COL25A1: variants seen among roughly 807,000 people sequenced by gnomAD.
COL25A1 encodes the protein collagen type XXV alpha 1 chain.
A neutral mutation model predicts 128.4 loss-of-function variants in COL25A1; 103 were observed. That is an observed-to-expected ratio of 0.80 (90% confidence interval 0.68 to 0.94). The LOEUF (loss-of-function observed/expected upper bound fraction) is 0.94. Ranked by LOEUF, COL25A1 falls within the 40% of genes least tolerant of loss-of-function variation. The pLI is 0.00. For synonymous variants in COL25A1, 279 were observed against 277.2 expected (o/e 1.01, Z -0.06); for missense variants, 745 against 840.0 (o/e 0.89, Z 1.40).
At position 109,302,332 on chromosome 4, in the gene COL25A1, C is replaced by T. The variant is rs572524245; in HGVS notation, c.-220G>A. 1 of 337,684 alleles carries T rather than the reference C, an allele frequency of 3.0e-6. No homozygotes were observed. The highest frequency in any genetic ancestry group is 5.4e-6 in the Non-Finnish European group (1 of 186,270). 20.9% of individuals were successfully genotyped at this position (337,684 alleles called of 1,614,324 possible). Reference sequence around the variant, plus strand: ...ACAGCTCTTCCGACTCCCAGAGGACCGACACCTCTTTCGAGGGCCCCAACA... The same window carrying T: ...ACAGCTCTTCCGACTCCCAGAGGACTGACACCTCTTTCGAGGGCCCCAACA... On this transcript the variant is annotated 5_prime_UTR_variant, in exon 1 of 38. Transcript: ENST00000399132.
chr4:108,856,244 CAG>C (rs570177815), intron 24 of COL25A1, among the ~76,000 whole-genome samples: 112 of 152,202 alleles, frequency 7.4e-4, no homozygotes, highest in Non-Finnish European at 1.5e-3. Flanking sequence ...AGTTAGGAAA[CAG>C]AGGTTTTACT....
chr4:108,986,703 C>G (rs990174187), intron 6 of COL25A1, among the ~76,000 whole-genome samples: 3 of 152,106 alleles, frequency 2.0e-5, no homozygotes, highest in Non-Finnish European at 4.4e-5. Flanking sequence ...GGCTTTGGGT[C>G]TTGGTTCTAA....
At position 108,845,262 on chromosome 4, in the gene COL25A1, C is replaced by T; in HGVS notation, c.1516-11G>A. The T allele has an allele frequency of 1.2e-6, 2 of 1,610,740 alleles. No homozygotes were observed. Among genetic ancestry groups the T allele is most frequent in the Non-Finnish European group, 1.7e-6 (2 of 1,176,882 alleles). On this transcript the variant is annotated splice_polypyrimidine_tract_variant and intron_variant, in intron 28 of 37. Transcript: ENST00000399132. The stretch of plus-strand genomic sequence containing the variant: ...CATTCCATTGGCTCCCTATAAATAA[C>T]CATTAAGCAGAGTTAAGCAGGTAAA...
chr4:108,985,067 T>C (rs909947247), intron 6 of COL25A1, among the ~76,000 whole-genome samples: 1 of 152,224 alleles, frequency 6.6e-6, no homozygotes, highest in Non-Finnish European at 1.5e-5. Context: ...AGGGCTTGTC[T>C]ACCATTCTCC....
At position 108,869,007 on chromosome 4, in the gene COL25A1, A is replaced by G. The variant is rs1738349432; in HGVS notation, c.1083+81T>C. 1.3e-5 allele frequency: 11 copies of G among 833,202 alleles called. 1 individual carries two copies. In the South Asian group the frequency reaches 1.6e-4, roughly 12 times the overall value. 51.6% of individuals were successfully genotyped at this position (833,202 alleles called of 1,614,324 possible). On this transcript the variant is annotated intron_variant, in intron 20 of 37. Coordinates refer to ENST00000399132, the MANE Select transcript of COL25A1 (RefSeq NM_198721.4). ...AAAGACAATAAAAGAAAGAGAAAGG[A>G]AAGAAAAGGAAAGGAAAGAAGGAAG...
At chr4:108,886,478 G>A (rs1398344635) in intron 18 of COL25A1, among the ~76,000 whole-genome samples, 2 of 125,388 alleles carry the variant, frequency 1.6e-5, no homozygotes, top group African/African-American at 6.3e-5. Flanking sequence ...GTGTGTGTGT[G>A]TGTGTGTGTG....
At chr4:108,960,495 T>C (rs192426272) in intron 8 of COL25A1, among the ~76,000 whole-genome samples, 5 of 152,210 alleles carry the variant, frequency 3.3e-5, no homozygotes, top group Admixed American at 1.3e-4. Context: ...CAATGCTATG[T>C]TCTCAAAGCA....
At chr4:108,997,756 C>T (rs1037187249) in intron 6 of COL25A1, among the ~76,000 whole-genome samples, 1 of 152,112 alleles carries the variant, frequency 6.6e-6, no homozygotes, top group Non-Finnish European at 1.5e-5. Context: ...TTTAGCAGCA[C>T]CTCAAAAAGC....
intron 3 of COL25A1, among the ~76,000 whole-genome samples, chr4:109,155,627 T>C (rs1289742941): frequency 2.0e-5 from 3 of 152,228 alleles, no homozygotes; most frequent in African/African-American, 7.2e-5. Context: ...TTAGATCATA[T>C]CCTGTCATAG....
chr4:109,159,149 GAAGAT>G (rs1772320012), intron 3 of COL25A1, among the ~76,000 whole-genome samples: 1 of 151,244 alleles, frequency 6.6e-6, no homozygotes, highest in African/African-American at 2.4e-5. Flanking sequence ...AAGTAGAGAA[GAAGAT>G]AAGAAACAGG....
intron 3 of COL25A1, among the ~76,000 whole-genome samples, chr4:109,186,450 T>C (rs1775138735): frequency 6.6e-6 from 1 of 152,248 alleles, no homozygotes; most frequent in Non-Finnish European, 1.5e-5. Context: ...TCTCTAGCTT[T>C]AAAGTTAATT....
intron 27 of COL25A1, among the ~76,000 whole-genome samples, chr4:108,847,109 T>C (rs527620716): frequency 6.6e-6 from 1 of 152,208 alleles, no homozygotes; most frequent in Non-Finnish European, 1.5e-5. Context: ...TTTCACCATG[T>C]TGGCCCGGCT....
intron 13 of COL25A1, among the ~76,000 whole-genome samples, chr4:108,909,838 T>C (rs1743999099): frequency 6.6e-6 from 1 of 152,174 alleles, no homozygotes; most frequent in South Asian, 2.1e-4. Flanking sequence ...TCCTTTCTCT[T>C]CCCATCCTCT....
chr4:109,210,522 A>G (rs988392859), intron 3 of COL25A1, among the ~76,000 whole-genome samples: 1 of 152,172 alleles, frequency 6.6e-6, no homozygotes, highest in African/African-American at 2.4e-5. Context: ...CAACAGACAA[A>G]ATTGCAATGT....
chr4:108,953,249 T>C (rs1381368498), intron 8 of COL25A1, among the ~76,000 whole-genome samples: 1 of 152,214 alleles, frequency 6.6e-6, no homozygotes, highest in African/African-American at 2.4e-5. Flanking sequence ...GGTACTCTTA[T>C]AGGTACCTTT....
chr4:109,189,873 G>C (rs1303192083), intron 3 of COL25A1, among the ~76,000 whole-genome samples: 1 of 151,982 alleles, frequency 6.6e-6, no homozygotes, highest in East Asian at 1.9e-4. Context: ...TTTACATTAA[G>C]TTTAACGACT....
chr4:108,919,685 T>C (rs375191704), intron 12 of COL25A1, among the ~76,000 whole-genome samples: 2 of 152,146 alleles, frequency 1.3e-5, no homozygotes, highest in East Asian at 3.9e-4. Context: ...ATGCCATCTA[T>C]TTGCTATTAA....
intron 24 of COL25A1, among the ~76,000 whole-genome samples, chr4:108,856,211 C>T (rs1419175385): frequency 6.6e-6 from 1 of 151,962 alleles, no homozygotes; most frequent in African/African-American, 2.4e-5. Flanking sequence ...GTTTAGATGG[C>T]GATGAGAATT....
chr4:108,819,330 CT>C lies in COL25A1; in HGVS notation c.1846-2del. ...TTTCCCCCTTAACGCCACGGAATCC[CT>C]GTTTGTAAAGATTAACTCATAATGT... On this transcript the variant is annotated splice_acceptor_variant, in intron 35 of 37. Transcript: ENST00000399132. LOFTEE classifies it high-confidence loss of function. The C allele has an allele frequency of 6.2e-7, 1 of 1,611,674 alleles. No homozygotes were observed. Among genetic ancestry groups the C allele is most frequent in the Non-Finnish European group, 8.5e-7 (1 of 1,178,924 alleles).
Sources: allele counts gnomAD v4.1 joint callset (sites outside exome capture counted in the v4.1 genomes callset), GRCh38; gene constraint gnomAD v4.1.1; transcripts MANE v1.5; gene names NCBI Gene and HGNC (gene_info 2026-07-23, HGNC 2026-07-21).